The following TRABD2B variants were observed in gnomAD, a reference collection of about 807,000 sequenced individuals.
The protein encoded by TRABD2B is metalloprotease TIKI2.
Under a neutral mutation model 40.1 loss-of-function variants are expected in TRABD2B, and 14 were observed. That is an observed-to-expected ratio of 0.35 (90% CI 0.23 to 0.55). The LOEUF (loss-of-function observed/expected upper bound fraction) is 0.55. Among genes scored for constraint, TRABD2B ranks in the 20% least tolerant of loss-of-function variants. TRABD2B has a pLI of 0.90. For missense variants in TRABD2B, 541 were observed against 648.6 expected (o/e 0.83, Z 1.80); for synonymous variants, 263 against 277.0 (o/e 0.95, Z 0.50).
At chr1:47,888,187 C>G (rs1259211203) in intron 2 of TRABD2B, among the ~76,000 whole-genome samples, 1 of 152,208 alleles carries the variant, frequency 6.6e-6, no homozygotes, top group African/African-American at 2.4e-5. Context: ...CCTTTCAAAT[C>G]TTAGGTTAAA....
intron 2 of TRABD2B, among the ~76,000 whole-genome samples, chr1:47,918,689 G>A (rs1230228184): frequency 8.7e-6 from 1 of 115,156 alleles, no homozygotes; most frequent in African/African-American, 2.6e-5. Context: ...GCCAAGACGG[G>A]GACGGAAAGA....
rs146010399 is a variant in TRABD2B, at chr1:47,854,617, T to G, written c.667-52998A>C. ...CCACTTTAGCAAGTAATAATGACAC[T>G]AACGAAGTGCTTTAGACCCTGCTAG... On this transcript the variant is annotated intron_variant, in intron 2 of 6. Coordinates refer to ENST00000606738, the MANE Select transcript of TRABD2B (RefSeq NM_001194986.2). 7.2e-5 allele frequency among the ~76,000 whole-genome samples: 11 copies of G among 152,256 alleles called. No individual in the cohort carries two copies. The East Asian group carries it at 2.1e-3, about 29-fold the overall frequency.
At chr1:47,985,563 T>A (rs1042573781) in intron 2 of TRABD2B, among the ~76,000 whole-genome samples, 1 of 152,232 alleles carries the variant, frequency 6.6e-6, no homozygotes, top group Non-Finnish European at 1.5e-5. Context: ...CACACATCTC[T>A]TAAGGCCCTA....
intron 2 of TRABD2B, among the ~76,000 whole-genome samples, chr1:47,966,925 A>AAATAAAATAAAATAC (rs1390208992): frequency 2.0e-5 from 3 of 151,614 alleles, no homozygotes; most frequent in Non-Finnish European, 4.4e-5. Flanking sequence ...AAATAAAATA[A>AAATAAAATAAAATAC]AATAAAATAA....
rs1352220943 is a variant in TRABD2B at position 47,765,766 on chromosome 1, C to G, written c.*136G>C. The G allele has an allele frequency of 2.9e-6, 2 of 695,126 alleles. No homozygotes were observed. Among genetic ancestry groups the G allele is most frequent in the Non-Finnish European group, 5.2e-6 (2 of 382,034 alleles). The allele number at this position is 695,126 out of a possible 1,614,324, so 43.1% of individuals were successfully genotyped here. On this transcript the variant is annotated 3_prime_UTR_variant, in exon 7 of 7. Transcript: ENST00000606738. The stretch of plus-strand genomic sequence containing the variant: ...GATGTAACTTGGGTACAGTAAAGCT[C>G]TAGAGTGTCTAGCCAATCCCATGTG...
chr1:47,923,595 A>G (rs1353092865), intron 2 of TRABD2B, among the ~76,000 whole-genome samples: 1 of 152,172 alleles, frequency 6.6e-6, no homozygotes, highest in Admixed American at 6.5e-5. Context: ...GTATCCAGAT[A>G]TTTGGTCAGA....
At chr1:47,990,697 G>GC (rs1418349288) in intron 2 of TRABD2B, among the ~76,000 whole-genome samples, 4 of 147,376 alleles carry the variant, frequency 2.7e-5, no homozygotes, top group Non-Finnish European at 4.5e-5. Flanking sequence ...GGTAATTGCT[G>GC]CCCCATTGGA....
intron 2 of TRABD2B, among the ~76,000 whole-genome samples, chr1:47,952,830 A>T (rs751050790): frequency 2.6e-5 from 4 of 152,056 alleles, no homozygotes; most frequent in Non-Finnish European, 5.9e-5. Flanking sequence ...CTCCCACATG[A>T]CCTGTCTCCT....
At chr1:47,848,687 G>A (rs946898834) in intron 2 of TRABD2B, among the ~76,000 whole-genome samples, 1 of 152,164 alleles carries the variant, frequency 6.6e-6, no homozygotes, top group African/African-American at 2.4e-5. Context: ...TTAGTAACCT[G>A]GAAGGGCAGG....
At chr1:47,977,374 G>A (rs988116045) in intron 2 of TRABD2B, among the ~76,000 whole-genome samples, 2 of 152,118 alleles carry the variant, frequency 1.3e-5, no homozygotes, top group Non-Finnish European at 2.9e-5. Context: ...GCCCAGCCAG[G>A]TTAGTCCATT....
intron 4 of TRABD2B, among the ~76,000 whole-genome samples, chr1:47,778,836 G>A (rs1201304647): frequency 6.6e-6 from 1 of 152,170 alleles, no homozygotes; most frequent in Admixed American, 6.5e-5. Flanking sequence ...TTGCTGTGAG[G>A]ATTATAAAAA....
intron 4 of TRABD2B, among the ~76,000 whole-genome samples, chr1:47,787,292 CAT>C (rs1377481385): frequency 6.6e-6 from 1 of 152,154 alleles, no homozygotes; most frequent in Non-Finnish European, 1.5e-5. Context: ...CTCTGTTAGA[CAT>C]GTGTGGAAAC....
intron 2 of TRABD2B, among the ~76,000 whole-genome samples, chr1:47,986,899 G>A (rs2148452238): frequency 6.6e-6 from 1 of 152,334 alleles, no homozygotes; most frequent in East Asian, 1.9e-4. Context: ...CCGGCTGCCT[G>A]TGGATTAAGT....
intron 2 of TRABD2B, among the ~76,000 whole-genome samples, chr1:47,816,341 C>T (rs1339259158): frequency 1.3e-5 from 2 of 152,158 alleles, no homozygotes; most frequent in South Asian, 2.1e-4. Context: ...CCCATGGCTC[C>T]CCTCTGCCCT....
At chr1:47,798,210 G>A (rs989812897) in intron 3 of TRABD2B, among the ~76,000 whole-genome samples, 3 of 152,194 alleles carry the variant, frequency 2.0e-5, no homozygotes, top group Admixed American at 1.3e-4. Flanking sequence ...TGAGCCCAGA[G>A]GAGGCACCTA....
chr1:47,955,905 T>C (rs1184957668), intron 2 of TRABD2B, among the ~76,000 whole-genome samples: 2 of 152,194 alleles, frequency 1.3e-5, no homozygotes, highest in Admixed American at 1.3e-4. Flanking sequence ...CAAGGAACTC[T>C]AAGCAGCCTG....
chr1:47,875,674 C>CAAAAAAAAAAAAAAAAAAAAAA (rs10541556), intron 2 of TRABD2B, among the ~76,000 whole-genome samples: 1 of 75,928 alleles, frequency 1.3e-5, no homozygotes, highest in Admixed American at 1.7e-4. Flanking sequence ...AACCCTGTCT[C>CAAAAAAAAAAAAAAAAAAAAAA]AAAAAAAAAA....
intron 4 of TRABD2B, 59 bp downstream of exon 4, chr1:47,794,527 A>G: frequency 6.8e-7 from 1 of 1,462,586 alleles, no homozygotes; most frequent in Non-Finnish European, 9.0e-7. Context: ...AGGTTAGGGG[A>G]GAGCCAAGCA....
chr1:47,917,559 AAAAAT>A (rs1333325906), intron 2 of TRABD2B, among the ~76,000 whole-genome samples: 1 of 152,020 alleles, frequency 6.6e-6, no homozygotes, highest in African/African-American at 2.4e-5. Context: ...TGTGTCTATA[AAAAAT>A]AAAATAAAAA....
Sources: allele counts gnomAD v4.1 joint callset (sites outside exome capture counted in the v4.1 genomes callset), GRCh38; gene constraint gnomAD v4.1.1; transcripts MANE v1.5; gene names NCBI Gene and HGNC (gene_info 2026-07-23, HGNC 2026-07-21).